KSR2: variants seen among roughly 807,000 people sequenced by gnomAD.
KSR2 encodes the protein kinase suppressor of ras 2.
In KSR2, 25 loss-of-function variants were observed where a neutral mutation model predicts 107.8. The observed-to-expected ratio is 0.23, with a 90% CI of 0.17 to 0.32. The LOEUF (loss-of-function observed/expected upper bound fraction) is 0.32. KSR2 is among the 10% of genes least tolerant of loss of function. The pLI is 1.00. For synonymous variants in KSR2, 480 were observed against 507.0 expected, an observed-to-expected ratio of 0.95 and a Z score of 0.71; for missense variants, 887 against 1,268.9, an observed-to-expected ratio of 0.70 and a Z score of 4.57.
chr12:117,929,106 A>G (rs1330590289), intron 1 of KSR2, among the ~76,000 whole-genome samples: 1 of 152,164 alleles, frequency 6.6e-6, no homozygotes, highest in Admixed American at 6.6e-5. Context: ...CTGCATCTCA[A>G]TTACTTCACA....
intron 9 of KSR2, 76 bp from the exon 10 acceptor site, chr12:117,539,963 G>A: frequency 2.4e-6 from 3 of 1,275,380 alleles, no homozygotes; most frequent in East Asian, 2.5e-5. Flanking sequence ...GGGCTGAGCA[G>A]GAGAGGCCCC....
chr12:117,663,440 C>A (rs1432066126), intron 5 of KSR2, among the ~76,000 whole-genome samples: 1 of 152,170 alleles, frequency 6.6e-6, no homozygotes, highest in Non-Finnish European at 1.5e-5. Context: ...ATTGTCAACA[C>A]AATACATGCC....
At chr12:117,847,610 G>A (rs974461168) in intron 3 of KSR2, among the ~76,000 whole-genome samples, 2 of 152,106 alleles carry the variant, frequency 1.3e-5, no homozygotes, top group East Asian at 1.9e-4. Context: ...TTTAAAAACC[G>A]GAAAAGAGAT....
chr12:117,708,555 G>A (rs945141112), intron 4 of KSR2, among the ~76,000 whole-genome samples: 6 of 152,148 alleles, frequency 3.9e-5, no homozygotes, highest in African/African-American at 7.2e-5. Flanking sequence ...GGACCCCCTG[G>A]AAGAATGAAG....
intron 14 of KSR2, among the ~76,000 whole-genome samples, chr12:117,520,098 C>T (rs1874649685): frequency 6.6e-6 from 1 of 152,140 alleles, no homozygotes; most frequent in African/African-American, 2.4e-5. Context: ...AGCCCATTCC[C>T]CTTGGTGTAG....
rs1555258978 is a variant in KSR2 at position 117,936,533 on chromosome 12, T to TAG, written c.180+31542_180+31543insCT. On this transcript the variant is annotated intron_variant, in intron 1 of 19. Transcript: ENST00000339824. ...TATTTTATTATTATTATTATTATTA[T>TAG]TAGTAGTAGTAGTAGTAGTAGTAGT... Among the ~76,000 whole-genome samples the TAG allele has an allele frequency of 4.7e-3, 557 of 119,664 alleles. 3 individuals are homozygous for TAG. The highest frequency in any genetic ancestry group is 0.013 in the African/African-American group (419 of 31,378). 78.5% of individuals were successfully genotyped at this position (119,664 alleles called of 152,430 possible).
intron 3 of KSR2, among the ~76,000 whole-genome samples, chr12:117,852,958 A>C (rs907316329): frequency 4.6e-5 from 7 of 152,032 alleles, no homozygotes; most frequent in Admixed American, 1.3e-4. Flanking sequence ...TGCGCCACCA[A>C]GCCCAGCTAA....
chr12:117,630,947 C>G (rs1043532631), intron 5 of KSR2, among the ~76,000 whole-genome samples: 3 of 152,102 alleles, frequency 2.0e-5, no homozygotes, highest in African/African-American at 4.8e-5. Context: ...ACAATCCAAG[C>G]CAATGAGCTC....
intron 1 of KSR2, among the ~76,000 whole-genome samples, chr12:117,938,879 T>C (rs1895922089): frequency 6.6e-6 from 1 of 152,084 alleles, no homozygotes; most frequent in African/African-American, 2.4e-5. Context: ...ATCGTGATCA[T>C]CATCAATGGC....
intron 1 of KSR2, among the ~76,000 whole-genome samples, chr12:117,963,577 T>C (rs140379463): frequency 0.09 from 13,619 of 152,034 alleles, 780 homozygotes; most frequent in Middle Eastern, 0.15. Flanking sequence ...CACTCCAGCC[T>C]GAGTTACAGA....
At chr12:117,546,760 C>T (rs1490621477) in intron 9 of KSR2, among the ~76,000 whole-genome samples, 1 of 152,172 alleles carries the variant, frequency 6.6e-6, no homozygotes, top group Non-Finnish European at 1.5e-5. Flanking sequence ...TGAGTCCATC[C>T]ACTGAATTTT....
intron 3 of KSR2, among the ~76,000 whole-genome samples, chr12:117,777,148 TATATATACACACCATAC>T (rs1392621240): frequency 1.4e-5 from 2 of 142,732 alleles, no homozygotes; most frequent in Non-Finnish European, 3.0e-5. Context: ...ATTATATATA[TATATATACACACCATAC>T]ATATATACAC....
At chr12:117,573,936 G>A (rs551145444) in intron 7 of KSR2, among the ~76,000 whole-genome samples, 13 of 152,244 alleles carry the variant, frequency 8.5e-5, no homozygotes, top group Non-Finnish European at 1.6e-4. Flanking sequence ...AAGCTAAAGC[G>A]TGTAAGAACA....
intron 3 of KSR2, among the ~76,000 whole-genome samples, chr12:117,848,663 G>T (rs142567547): frequency 6.6e-6 from 1 of 152,136 alleles, no homozygotes; most frequent in African/African-American, 2.4e-5. Context: ...CCCTTGGAAG[G>T]GCCCCTTGGA....
chr12:117,541,974 C>T (rs975902478), intron 9 of KSR2, among the ~76,000 whole-genome samples: 2 of 152,122 alleles, frequency 1.3e-5, no homozygotes, highest in African/African-American at 2.4e-5. Context: ...TAGCCTCAGC[C>T]TCCTGGGTTC....
At chr12:117,472,779 T>C (rs1288663285) in intron 17 of KSR2, among the ~76,000 whole-genome samples, 1 of 152,212 alleles carries the variant, frequency 6.6e-6, no homozygotes, top group Non-Finnish European at 1.5e-5. Context: ...ATAATGCTTA[T>C]TGAGGTTTTA....
At chr12:117,471,417 G>A in intron 17 of KSR2, 97 bp from the exon 18 acceptor site, 1 of 1,352,602 alleles carries the variant, frequency 7.4e-7, no homozygotes, top group South Asian at 1.4e-5. Context: ...CAGTCTCCTG[G>A]CACCCATTCT....
intron 1 of KSR2, among the ~76,000 whole-genome samples, chr12:117,954,794 T>A (rs1393482717): frequency 1.3e-5 from 2 of 152,090 alleles, no homozygotes; most frequent in Non-Finnish European, 2.9e-5. Flanking sequence ...GGCGGGTGGA[T>A]CACTTGAGGT....
intron 3 of KSR2, among the ~76,000 whole-genome samples, chr12:117,767,256 CCA>C (rs1491109069): frequency 0.01 from 842 of 83,742 alleles, 10 homozygotes; most frequent in African/African-American, 0.049. Flanking sequence ...TACTAAAAAT[CCA>C]AAAAAAAAAA....
Sources: allele counts gnomAD v4.1 joint callset (sites outside exome capture counted in the v4.1 genomes callset), GRCh38; gene constraint gnomAD v4.1.1; transcripts MANE v1.5; gene names NCBI Gene and HGNC (gene_info 2026-07-23, HGNC 2026-07-21).